Variants in FNDC3A observed in about 807,000 individuals in gnomAD.
FNDC3A encodes the protein fibronectin type III domain containing 3A.
A neutral mutation model predicts 148.9 loss-of-function variants in FNDC3A; 32 were observed. The ratio of observed to expected loss-of-function variants is 0.21; its 90% CI spans 0.16 to 0.29. FNDC3A has a LOEUF of 0.29. Ranked by LOEUF, FNDC3A falls within the 10% of genes least tolerant of loss-of-function variation. The probability of loss-of-function intolerance (pLI) is 1.00; values close to 1 mark genes in which losing one functional copy is unlikely to be tolerated. For synonymous variants in FNDC3A, 472 were observed against 473.6 expected, an observed-to-expected ratio of 1.00 and a Z score of 0.04; for missense variants, 1,191 against 1,452.8, an observed-to-expected ratio of 0.82 and a Z score of 2.93.
intron 13 of FNDC3A, among the ~76,000 whole-genome samples, chr13:49,176,600 C>G (rs1466442698): frequency 6.6e-6 from 1 of 152,044 alleles, no homozygotes; most frequent in Non-Finnish European, 1.5e-5. Context: ...CCTGCATGTT[C>G]TGCACATGTA....
chr13:49,065,213 T>G (rs886248292), intron 2 of FNDC3A, among the ~76,000 whole-genome samples: 1 of 152,124 alleles, frequency 6.6e-6, no homozygotes, highest in South Asian at 2.1e-4. Flanking sequence ...GTCAGGCAGC[T>G]CTCTCTCCCC....
intron 6 of FNDC3A, among the ~76,000 whole-genome samples, chr13:49,137,634 C>T (rs1882453981): frequency 6.6e-6 from 1 of 152,214 alleles, no homozygotes; most frequent in African/African-American, 2.4e-5. Flanking sequence ...CATGAGCCTA[C>T]TATATGGACT....
chr13:49,114,710 G>A lies in FNDC3A; in HGVS notation c.231G>A (p.Val77=). The A allele has an allele frequency of 6.2e-7, 1 of 1,611,698 alleles. No homozygotes were observed. The highest frequency in any genetic ancestry group is 8.5e-7 in the Non-Finnish European group (1 of 1,177,994). Residue 77 remains valine (V), a synonymous_variant, in exon 4 of 26, where the codon GTG becomes GTA. Coordinates refer to ENST00000492622, the MANE Select transcript of FNDC3A (RefSeq NM_001079673.2). The part of the protein sequence containing the change: ...SPNGSVPPIY[V]PPGYAPQVIE... ...ATGGTTCTGTGCCTCCTATCTATGTGCCTCCTGGATATGCCCCACAGGTAT... is the reference window on the plus strand; with the variant it reads ...ATGGTTCTGTGCCTCCTATCTATGTACCTCCTGGATATGCCCCACAGGTAT...
intron 1 of FNDC3A, among the ~76,000 whole-genome samples, chr13:48,979,487 G>A (rs1390147213): frequency 6.6e-6 from 1 of 152,024 alleles, no homozygotes; most frequent in East Asian, 1.9e-4. Context: ...AGTAGTAGTA[G>A]AATAAGTAGT....
chr13:49,017,879 A>G (rs1436234612), intron 2 of FNDC3A, among the ~76,000 whole-genome samples: 1 of 152,108 alleles, frequency 6.6e-6, no homozygotes, highest in Admixed American at 6.6e-5. Context: ...TTGGCTGGAT[A>G]TGAAATTCTG....
At chr13:49,190,155 G>C (rs1050858097) in intron 17 of FNDC3A, among the ~76,000 whole-genome samples, 4 of 152,036 alleles carry the variant, frequency 2.6e-5, no homozygotes, top group African/African-American at 9.7e-5. Context: ...CAAAGCGCTG[G>C]GATTACAGGT....
At chr13:49,157,589 G>T (rs1392074747) in intron 8 of FNDC3A, among the ~76,000 whole-genome samples, 3 of 151,322 alleles carry the variant, frequency 2.0e-5, no homozygotes, top group African/African-American at 4.8e-5. Context: ...TGGAGGAGGA[G>T]AGGTGCTCTG....
chr13:49,066,380 C>A (rs1184669543), intron 2 of FNDC3A, among the ~76,000 whole-genome samples: 1 of 152,134 alleles, frequency 6.6e-6, no homozygotes, highest in Non-Finnish European at 1.5e-5. Context: ...CCTTATAGTT[C>A]ATTGCTAGAT....
At chr13:49,023,619 T>G in intron 2 of FNDC3A, among the ~76,000 whole-genome samples, 1 of 151,930 alleles carries the variant, frequency 6.6e-6, no homozygotes, top group African/African-American at 2.4e-5. Context: ...AATTCCAAAC[T>G]CTGATTCAGA....
intron 1 of FNDC3A, among the ~76,000 whole-genome samples, chr13:48,991,856 A>G (rs974527561): frequency 1.3e-5 from 2 of 152,238 alleles, no homozygotes; most frequent in African/African-American, 4.8e-5. Flanking sequence ...CCTACTGAAC[A>G]TCGTAGCTTA....
In FNDC3A at chr13:49,040,620, T is replaced by A. The variant is rs920593314; in HGVS notation, c.99+34331T>A. Reference sequence around the variant, plus strand: ...AGATCAGCAGTGCATCTGAGATAAGTGCAAACTTAAGAGTATGGTTATTTG... The same window carrying A: ...AGATCAGCAGTGCATCTGAGATAAGAGCAAACTTAAGAGTATGGTTATTTG... On this transcript the variant is annotated intron_variant, in intron 2 of 25. Coordinates refer to ENST00000492622, the MANE Select transcript of FNDC3A (RefSeq NM_001079673.2). Among the ~76,000 whole-genome samples, 10 of 152,224 alleles carry A rather than the reference T, an allele frequency of 6.6e-5. No individual in the cohort carries two copies. In the East Asian group the frequency reaches 1.9e-3, roughly 29 times the overall value.
intron 2 of FNDC3A, among the ~76,000 whole-genome samples, chr13:49,057,713 T>A (rs903972227): frequency 2.0e-5 from 3 of 152,162 alleles, no homozygotes; most frequent in Middle Eastern, 3.2e-3. Context: ...GAATTTTTGT[T>A]CTCAACCAAT....
In FNDC3A at chr13:49,175,389, T is replaced by C. The variant is rs192690498; in HGVS notation, c.1378T>C (p.Tyr460His). ...CAGTGGTTTTAGTGAAGAAGTCTTA[T>C]ATTACACCTCAGGCTGTGCTCCTTC... ...GTSGFSEEVL[Y>H]YTSGCAPSMP... Residue 460 changes from tyrosine (Y) to histidine (H), a missense_variant, in exon 13 of 26, where the codon TAT (tyrosine) becomes CAT (histidine). Around this residue, in one of 3 missense-constraint regions of FNDC3A, gnomAD observed 751 missense variants for 944.0 expected, o/e 0.80. Transcript: ENST00000492622. The C allele has an allele frequency of 1.1e-5, 17 of 1,595,562 alleles. No individual in the cohort carries two copies. The East Asian group carries it at 1.1e-4, about 11-fold the overall frequency.
chr13:49,007,627 G>A (rs1952245560), intron 2 of FNDC3A, among the ~76,000 whole-genome samples: 1 of 152,086 alleles, frequency 6.6e-6, no homozygotes, highest in Admixed American at 6.6e-5. Flanking sequence ...ACTCCATGAT[G>A]CCATCTCAAG....
intron 2 of FNDC3A, among the ~76,000 whole-genome samples, chr13:49,014,537 A>G (rs2137621977): frequency 6.9e-6 from 1 of 145,090 alleles, no homozygotes; most frequent in Non-Finnish European, 1.5e-5. Context: ...ATTTTCTCCC[A>G]TTTTGTAGGT....
chr13:49,086,506 A>G (rs930568475), intron 3 of FNDC3A, among the ~76,000 whole-genome samples: 6 of 152,210 alleles, frequency 3.9e-5, no homozygotes, highest in African/African-American at 1.4e-4. Context: ...TTGATATTAT[A>G]AGAATTTTTT....
chr13:49,039,274 A>G (rs1852968366), intron 2 of FNDC3A, among the ~76,000 whole-genome samples: 1 of 152,214 alleles, frequency 6.6e-6, no homozygotes, highest in Non-Finnish European at 1.5e-5. Context: ...GAATAATACC[A>G]ATAATTTTCT....
At chr13:49,016,037 T>C (rs1352365492) in intron 2 of FNDC3A, among the ~76,000 whole-genome samples, 1 of 152,228 alleles carries the variant, frequency 6.6e-6, no homozygotes, top group Non-Finnish European at 1.5e-5. Flanking sequence ...GCATCAATGT[T>C]CATCAAGGAC....
intron 2 of FNDC3A, among the ~76,000 whole-genome samples, chr13:49,058,332 A>G (rs1876407485): frequency 6.6e-6 from 1 of 152,140 alleles, no homozygotes; most frequent in Non-Finnish European, 1.5e-5. Flanking sequence ...TGCTTTTTTT[A>G]TGCAAATAAC....
Sources: gnomAD v4.1 joint callset for allele counts (sites outside exome capture counted in the v4.1 genomes callset) on GRCh38, gnomAD v4.1.1 for gene constraint, gnomAD v4.1.1 regional missense constraint, MANE v1.5 for transcripts, NCBI Gene and HGNC (gene_info 2026-07-23, HGNC 2026-07-21) for gene names.